GPR19: variants seen among roughly 807,000 people sequenced by gnomAD.
GPR19 encodes the protein G protein-coupled receptor 19.
Under a neutral mutation model 28.5 loss-of-function variants are expected in GPR19, and 14 were observed. That is an observed-to-expected ratio of 0.49 (90% confidence interval 0.32 to 0.77). GPR19 has a LOEUF of 0.77. GPR19 is among the 30% of genes least tolerant of loss of function. The pLI is 0.03. For synonymous variants in GPR19, 173 were observed against 184.1 expected (o/e 0.94, Z 0.49); for missense variants, 409 against 504.1 (o/e 0.81, Z 1.81).
rs781231822 is a variant in GPR19, at chr12:12,662,380, G to A, written c.69C>T (p.Leu23=). ...CTGTTTCAGTGCAGCTGCGGTTTTGGAGGGGCACCAGAAGTGTAGGAATAA... is the reference window on the plus strand; with the variant it reads ...CTGTTTCAGTGCAGCTGCGGTTTTGAAGGGGCACCAGAAGTGTAGGAATAA... The part of the protein sequence containing the change: ...HLIIPTLLVP[L]QNRSCTETAT... Residue 23 remains leucine (L), a synonymous_variant, in exon 4 of 4, where the codon CTC becomes CTT. Coordinates refer to ENST00000651487, the MANE Select transcript of GPR19 (RefSeq NM_006143.3). The A allele has an allele frequency of 1.9e-6, 3 of 1,614,214 alleles. No individual in the cohort carries two copies. The South Asian group carries it at 3.3e-5, about 18-fold the overall frequency.
chr12:12,688,139 G>A (rs935441039), intron 2 of GPR19, among the ~76,000 whole-genome samples: 1 of 152,216 alleles, frequency 6.6e-6, no homozygotes, highest in African/African-American at 2.4e-5. Flanking sequence ...CTTATAAAGT[G>A]CAAAGGGATG....
intron 2 of GPR19, among the ~76,000 whole-genome samples, chr12:12,689,311 A>C (rs7132848): frequency 0.37 from 56,796 of 152,052 alleles, 11,308 homozygotes; most frequent in South Asian, 0.46. Flanking sequence ...CATATATTCA[A>C]ACTGCATGAG....
chr12:12,715,731 A>G, the GPR19 span: 1 of 152,262 alleles, frequency 6.6e-6, no homozygotes, highest in Non-Finnish European at 1.5e-5. Flanking sequence ...GGAGACTTGC[A>G]TCTAGTCCTG....
At chr12:12,666,648 T>C (rs558673797) in intron 3 of GPR19, among the ~76,000 whole-genome samples, 22 of 152,368 alleles carry the variant, frequency 1.4e-4, no homozygotes, top group Admixed American at 1.2e-3. Flanking sequence ...GTTATTCTTT[T>C]TCTCCATGCT....
At chr12:12,694,872 G>GT (rs1946239930) in intron 2 of GPR19, among the ~76,000 whole-genome samples, 1 of 152,192 alleles carries the variant, frequency 6.6e-6, no homozygotes, top group Non-Finnish European at 1.5e-5. Flanking sequence ...TGCCTCCATG[G>GT]ATTTTTCCTG....
intron 3 of GPR19, among the ~76,000 whole-genome samples, chr12:12,681,320 CA>C (rs1946017004): frequency 6.6e-6 from 1 of 152,208 alleles, no homozygotes; most frequent in South Asian, 2.1e-4. Flanking sequence ...AGGCAGGACC[CA>C]GGTATCACTT....
chr12:12,661,927 C>G lies in GPR19; in HGVS notation c.522G>C (p.Lys174Asn). 6.2e-7 allele frequency: 1 copy of G among 1,614,236 alleles called. No homozygotes were observed. The highest frequency in any genetic ancestry group is 8.5e-7 in the Non-Finnish European group (1 of 1,180,050). ...TTTTCTTGGCTTTTTCTCTGGACAC[C>G]TTGAAGCTCAGAGGATAGACGATGG... ...FYTIVYPLSF[K>N]VSREKAKKMI... The change falls in exon 4 of 4, where the codon AAG becomes AAC. Residue 174 changes from lysine to asparagine, a missense_variant. Coordinates refer to ENST00000651487, the MANE Select transcript of GPR19 (RefSeq NM_006143.3). The surrounding 1 kb of genome is among the most constrained non-coding windows in gnomAD (Gnocchi z 4.2).
intron 2 of GPR19, among the ~76,000 whole-genome samples, chr12:12,694,914 C>T (rs1946240800): frequency 6.6e-6 from 1 of 152,198 alleles, no homozygotes; most frequent in African/African-American, 2.4e-5. Context: ...ACACATACAG[C>T]GCAGCTGCCA....
chr12:12,687,758 C>G (rs1231343364), intron 2 of GPR19, among the ~76,000 whole-genome samples: 2 of 152,186 alleles, frequency 1.3e-5, no homozygotes, highest in Admixed American at 6.5e-5. Flanking sequence ...CAAACCACTA[C>G]CCAGTGGTCC....
chr12:12,687,862 G>A (rs1335466968), intron 2 of GPR19, among the ~76,000 whole-genome samples: 1 of 152,208 alleles, frequency 6.6e-6, no homozygotes, highest in Non-Finnish European at 1.5e-5. Context: ...GAAGGCTGAG[G>A]TGGGAGAATC....
At chr12:12,708,537 C>G in the GPR19 span, among the ~76,000 whole-genome samples, 13 of 152,282 alleles carry the variant, frequency 8.5e-5, no homozygotes, top group South Asian at 1.9e-3. Flanking sequence ...AATTGCAAAC[C>G]TATCCAGTCA....
Position 12,661,857 on chromosome 12 carries a change from C to T in GPR19, c.592G>A (p.Val198Met), listed in dbSNP as rs1329437216. 1.9e-6 allele frequency: 3 copies of T among 1,614,118 alleles called. No individual in the cohort carries two copies. Among genetic ancestry groups the T allele is most frequent in the South Asian group, 1.1e-5 (1 of 91,074 alleles). ...CAGTTGGAGCCATAGAAAAAGAGCA[C>T]AGGGGTCACAAAGCCTGCATCAAAG... Reference protein sequence around the residue: ...WVFDAGFVTPVLFFYGSNWDS... With the variant: ...WVFDAGFVTPMLFFYGSNWDS... The change falls in exon 4 of 4, where the codon GTG becomes ATG. Residue 198 changes from valine to methionine, a missense_variant. By Grantham distance (21) the Val-to-Met change is conservative. Coordinates refer to ENST00000651487, the MANE Select transcript of GPR19 (RefSeq NM_006143.3). This position sits in a 1 kb window ranked among gnomAD's most constrained non-coding sequence, Gnocchi z 4.2.
chr12:12,665,819 C>CAAAAAAAAAAAAA lies in GPR19; in HGVS notation c.-22-3362_-22-3350dup, dbSNP rs528302150. On this transcript the variant is annotated intron_variant, in intron 3 of 3. Coordinates refer to ENST00000651487, the MANE Select transcript of GPR19 (RefSeq NM_006143.3). The stretch of plus-strand genomic sequence containing the variant: ...TGGGGCACAAAGCCAGACTCCGTCT[C>CAAAAAAAAAAAAA]AAAAAAAAAAAAAAAAAAAAAAAAA... Among the ~76,000 whole-genome samples, 13 of 75,736 alleles carry CAAAAAAAAAAAAA rather than the reference C, an allele frequency of 1.7e-4. 1 individual carries two copies. Among genetic ancestry groups the CAAAAAAAAAAAAA allele is most frequent in the African/African-American group, 3.0e-4 (5 of 16,688 alleles). The allele number at this position is 75,736 out of a possible 152,430, so 49.7% of individuals were successfully genotyped here. A position where few individuals can be genotyped will look rare whatever the true frequency, so the allele number is the denominator to read the frequency against.
chr12:12,694,004 G>C (rs1266273186), intron 2 of GPR19, among the ~76,000 whole-genome samples: 1 of 151,770 alleles, frequency 6.6e-6, no homozygotes, highest in Non-Finnish European at 1.5e-5. Flanking sequence ...CCTGGCCCTA[G>C]AGGGAACTCT....
chr12:12,666,977 C>T (rs1438536985), intron 3 of GPR19, among the ~76,000 whole-genome samples: 1 of 152,190 alleles, frequency 6.6e-6, no homozygotes, highest in Non-Finnish European at 1.5e-5. Flanking sequence ...GGTTCTTGCA[C>T]TTTCCTCCCA....
chr12:12,695,959 C>T (rs112520191), intron 1 of GPR19, 106 bp downstream of exon 1: 2 of 152,250 alleles, frequency 1.3e-5, no homozygotes, highest in Non-Finnish European at 2.9e-5. Context: ...TCTACAACCT[C>T]ATTAATCGGC....
chr12:12,673,316 A>G (rs777566691), intron 3 of GPR19, among the ~76,000 whole-genome samples: 14 of 152,198 alleles, frequency 9.2e-5, no homozygotes, highest in Non-Finnish European at 1.3e-4. Context: ...CATGGGCCTG[A>G]CTGCCTCTCT....
At chr12:12,691,117 G>A (rs1046735774) in intron 2 of GPR19, among the ~76,000 whole-genome samples, 1 of 151,854 alleles carries the variant, frequency 6.6e-6, no homozygotes, top group African/African-American at 2.4e-5. Context: ...TTATTTCCAC[G>A]CTGGTGGATA....
At chr12:12,712,177 C>G in the GPR19 span, among the ~76,000 whole-genome samples, 4 of 152,224 alleles carry the variant, frequency 2.6e-5, no homozygotes, top group Non-Finnish European at 5.9e-5. Flanking sequence ...CCTTTCTCTG[C>G]CAAGCCCTGT....
Sources: allele counts gnomAD v4.1 joint callset (sites outside exome capture counted in the v4.1 genomes callset), GRCh38; gene constraint gnomAD v4.1.1; non-coding constraint Gnocchi (gnomAD v3.1); transcripts MANE v1.5; gene names NCBI Gene and HGNC (gene_info 2026-07-23, HGNC 2026-07-21).